RAD51B: variants seen among roughly 807,000 people sequenced by gnomAD.
The protein encoded by RAD51B is DNA repair protein RAD51 homolog 2.
In RAD51B, 38 loss-of-function variants were observed where a neutral mutation model predicts 42.2. That is an observed-to-expected ratio of 0.90 (90% CI 0.70 to 1.18). The LOEUF (loss-of-function observed/expected upper bound fraction) is 1.18. RAD51B is among the 50% of genes most tolerant of loss of function. The pLI, the probability that RAD51B is intolerant of heterozygous loss-of-function variation, is 0.00. For missense variants in RAD51B, 373 were observed against 400.7 expected (o/e 0.93, Z 0.59); for synonymous variants, 154 against 145.2 (o/e 1.06, Z -0.43).
intron 5 of RAD51B, 140 bp from the exon 6 acceptor site, chr14:67,885,729 C>A: frequency 9.3e-7 from 1 of 1,071,470 alleles, no homozygotes; most frequent in Non-Finnish European, 1.2e-6. Context: ...AATTCTAAAT[C>A]TGTATATTAA....
intron 7 of RAD51B, among the ~76,000 whole-genome samples, chr14:68,007,990 A>T (rs143836963): frequency 6.6e-6 from 1 of 151,698 alleles, no homozygotes. Flanking sequence ...TAAAAATATG[A>T]TTTTTTTTGT....
intron 7 of RAD51B, among the ~76,000 whole-genome samples, chr14:68,161,944 G>C (rs2078647907): frequency 1.3e-5 from 2 of 152,196 alleles, no homozygotes; most frequent in African/African-American, 4.8e-5. Flanking sequence ...TGTGCACAGA[G>C]GTGAGTGTGG....
intron 7 of RAD51B, among the ~76,000 whole-genome samples, chr14:68,072,235 C>CTA (rs894764530): frequency 2.9e-5 from 4 of 135,794 alleles, no homozygotes; most frequent in Non-Finnish European, 3.1e-5. Flanking sequence ...AAATAAACTC[C>CTA]TATATATATA....
chr14:67,856,534 T>A (rs912039466), intron 4 of RAD51B, among the ~76,000 whole-genome samples: 1 of 152,146 alleles, frequency 6.6e-6, no homozygotes, highest in East Asian at 1.9e-4. Flanking sequence ...GAAGCTTTTT[T>A]AAAACATGCT....
At chr14:68,611,058 A>T in exon 11 of RAD51B, 1 of 703,244 alleles carries the variant, frequency 1.4e-6, no homozygotes, top group Non-Finnish European at 2.6e-6. Context: ...GGTCAGCAGC[A>T]GACTCACATC....
intron 7 of RAD51B, among the ~76,000 whole-genome samples, chr14:67,961,073 C>T (rs1219148671): frequency 6.6e-6 from 1 of 152,150 alleles, no homozygotes; most frequent in Non-Finnish European, 1.5e-5. Flanking sequence ...GTGGCATGAT[C>T]ATGGCTTACT....
chr14:67,898,837 A>G (rs966705114), intron 7 of RAD51B, among the ~76,000 whole-genome samples: 1 of 152,230 alleles, frequency 6.6e-6, no homozygotes, highest in African/African-American at 2.4e-5. Flanking sequence ...TTTCCCAAAC[A>G]TTTAAGAATC....
intron 7 of RAD51B, among the ~76,000 whole-genome samples, chr14:68,172,250 T>G (rs1555942): frequency 1.3e-5 from 2 of 152,150 alleles, no homozygotes; most frequent in African/African-American, 4.8e-5. Flanking sequence ...AGTTAGGAGG[T>G]TGTAGATCCT....
At chr14:67,907,259 CTT>C (rs2043809052) in intron 7 of RAD51B, among the ~76,000 whole-genome samples, 1 of 151,846 alleles carries the variant, frequency 6.6e-6, no homozygotes, top group African/African-American at 2.4e-5. Flanking sequence ...TCAGTTATTT[CTT>C]GTCTTCTGCT....
intron 10 of RAD51B, among the ~76,000 whole-genome samples, chr14:68,583,163 A>C (rs1369562388): frequency 6.6e-6 from 1 of 152,162 alleles, no homozygotes; most frequent in African/African-American, 2.4e-5. Context: ...AAATAAAAAA[A>C]ATTTAAAAAA....
intron 7 of RAD51B, among the ~76,000 whole-genome samples, chr14:68,129,749 G>A (rs534760697): frequency 2.6e-5 from 4 of 152,262 alleles, no homozygotes; most frequent in Middle Eastern, 3.4e-3. Flanking sequence ...TCAAACTTTA[G>A]TATATACTTT....
chr14:68,183,007 G>A (rs565031246), intron 7 of RAD51B, among the ~76,000 whole-genome samples: 155 of 152,248 alleles, frequency 1.0e-3, no homozygotes, highest in African/African-American at 3.5e-3. Context: ...TTTTAGTTTG[G>A]TTAACTTCTT....
chr14:68,067,725 T>G (rs2076676561), intron 7 of RAD51B, among the ~76,000 whole-genome samples: 1 of 150,072 alleles, frequency 6.7e-6, no homozygotes, highest in African/African-American at 2.4e-5. Flanking sequence ...AGGCCAAGAG[T>G]TTGAGACCGT....
intron 7 of RAD51B, among the ~76,000 whole-genome samples, chr14:68,290,209 C>G (rs1387828214): frequency 6.6e-6 from 1 of 152,164 alleles, no homozygotes; most frequent in East Asian, 1.9e-4. Context: ...TTGTTTCAGA[C>G]CAGCACAGTC....
At chr14:68,670,347 G>GA (rs927851197) in intron 11 of RAD51B, among the ~76,000 whole-genome samples, 4 of 152,236 alleles carry the variant, frequency 2.6e-5, no homozygotes, top group Non-Finnish European at 5.9e-5. Context: ...AGTCAGGGAA[G>GA]AGTGGCAAGT....
Position 68,477,632 on chromosome 14 carries a change from T to G in RAD51B, c.1037-16T>G. The stretch of plus-strand genomic sequence containing the variant: ...TTTTTTTTTCAAACTTTCTCTTTTT[T>G]TTTTTTTTCCTTTAGGCCAAGAGAA... On this transcript the variant is annotated splice_polypyrimidine_tract_variant and intron_variant, in intron 10 of 10. Transcript: ENST00000471583. 4 of 1,607,140 alleles carry G rather than the reference T, an allele frequency of 2.5e-6. No individual in the cohort carries two copies. Among genetic ancestry groups the G allele is most frequent in the Non-Finnish European group, 3.4e-6 (4 of 1,177,958 alleles).
chr14:68,258,274 A>C (rs2080797173), intron 7 of RAD51B, among the ~76,000 whole-genome samples: 1 of 152,038 alleles, frequency 6.6e-6, no homozygotes, highest in Non-Finnish European at 1.5e-5. Flanking sequence ...GGTGGTGTTC[A>C]CTTATAGTCC....
At chr14:68,494,651 C>T (rs1884362157) in intron 10 of RAD51B, among the ~76,000 whole-genome samples, 1 of 152,082 alleles carries the variant, frequency 6.6e-6, no homozygotes, top group African/African-American at 2.4e-5. Context: ...GGGTTTGTTA[C>T]ATTTGTTTTC....
At chr14:68,168,194 G>A (rs1385552774) in intron 7 of RAD51B, among the ~76,000 whole-genome samples, 1 of 151,992 alleles carries the variant, frequency 6.6e-6, no homozygotes, top group African/African-American at 2.4e-5. Context: ...CTTTATATAT[G>A]GAATTGTATG....
Sources: allele counts gnomAD v4.1 joint callset (sites outside exome capture counted in the v4.1 genomes callset), GRCh38; gene constraint gnomAD v4.1.1; transcripts MANE v1.5; gene names NCBI Gene and HGNC (gene_info 2026-07-23, HGNC 2026-07-21).